Variants in CDH11 observed in about 807,000 individuals in gnomAD.
CDH11 encodes the protein cadherin-11.
Under a neutral mutation model 67.8 loss-of-function variants are expected in CDH11, and 11 were observed. The ratio of observed to expected loss-of-function variants is 0.16; its 90% CI spans 0.10 to 0.27. CDH11 has a LOEUF of 0.27. Ranked by LOEUF, CDH11 falls within the 10% of genes least tolerant of loss-of-function variation. The pLI is 1.00. For missense variants in CDH11, 847 were observed against 1,031.2 expected (o/e 0.82, Z 2.45); for synonymous variants, 419 against 400.0 (o/e 1.05, Z -0.57).
In CDH11 at chr16:64,998,550, C is replaced by T; in HGVS notation, c.523+12G>A. The T allele has an allele frequency of 6.2e-7, 1 of 1,612,306 alleles. No homozygotes were observed. Among genetic ancestry groups the T allele is most frequent in the Non-Finnish European group, 8.5e-7 (1 of 1,178,474 alleles). ...GCCTGGAAGCAGAGCAGGCCTCCCA[C>T]ACCGTACGCACCCACATTGGACCTC... On this transcript the variant is annotated intron_variant, in intron 4 of 12. Transcript: ENST00000268603.
chr16:65,100,986 A>T (rs2074981891), intron 1 of CDH11, among the ~76,000 whole-genome samples: 1 of 152,172 alleles, frequency 6.6e-6, no homozygotes, highest in Non-Finnish European at 1.5e-5. Context: ...TAAGATAGAC[A>T]TTTAATTGCT....
At chr16:65,109,490 C>A (rs2075121250) in intron 1 of CDH11, among the ~76,000 whole-genome samples, 1 of 152,118 alleles carries the variant, frequency 6.6e-6, no homozygotes, top group African/African-American at 2.4e-5. Flanking sequence ...CACTGTTTAC[C>A]CAATAATTGG....
intron 8 of CDH11, among the ~76,000 whole-genome samples, chr16:64,979,742 A>ATTGCTGGATT (rs2072280851): frequency 6.6e-5 from 10 of 152,190 alleles, no homozygotes; most frequent in African/African-American, 2.4e-4. Flanking sequence ...GAAAGAGGAA[A>ATTGCTGGATT]ACATGTTTAG....
Position 65,112,218 on chromosome 16 carries a change from A to C in CDH11, c.-298+9662T>G, listed in dbSNP as rs917835982. 2.6e-5 allele frequency among the ~76,000 whole-genome samples: 4 copies of C among 152,302 alleles called. No individual in the cohort carries two copies. In the East Asian group the frequency reaches 5.8e-4, roughly 22 times the overall value. ...AGCATTTCCAACAGTGAAGGTTCCC[A>C]ATGTCTCAATGGTTTGCATAAGTAG... On this transcript the variant is annotated intron_variant, in intron 1 of 12. Transcript: ENST00000268603.
At chr16:65,063,039 G>A (rs561318367) in intron 1 of CDH11, among the ~76,000 whole-genome samples, 1 of 152,288 alleles carries the variant, frequency 6.6e-6, no homozygotes, top group South Asian at 2.1e-4. Context: ...CGCGTTTGCT[G>A]GACTTTATTG....
At chr16:65,104,888 T>C (rs994270229) in intron 1 of CDH11, among the ~76,000 whole-genome samples, 2 of 152,214 alleles carry the variant, frequency 1.3e-5, no homozygotes, top group African/African-American at 2.4e-5. Flanking sequence ...GCAAATTCTG[T>C]TGTCTTGGTA....
chr16:65,030,925 T>C (rs2073629859), intron 2 of CDH11, among the ~76,000 whole-genome samples: 3 of 152,168 alleles, frequency 2.0e-5, no homozygotes. Flanking sequence ...GGATCTTTCA[T>C]TCCCCCAGGA....
chr16:65,098,625 C>T (rs1382076282), intron 1 of CDH11, among the ~76,000 whole-genome samples: 1 of 152,082 alleles, frequency 6.6e-6, no homozygotes, highest in Non-Finnish European at 1.5e-5. Flanking sequence ...CTTGGCCTCA[C>T]AAGTTGGCTG....
chr16:65,031,185 CA>C (rs2073636490), intron 2 of CDH11, among the ~76,000 whole-genome samples: 1 of 152,176 alleles, frequency 6.6e-6, no homozygotes, highest in Non-Finnish European at 1.5e-5. Flanking sequence ...GCAGCACTCA[CA>C]GATAATTGTT....
At chr16:65,071,009 T>C (rs1430022787) in intron 1 of CDH11, among the ~76,000 whole-genome samples, 2 of 152,142 alleles carry the variant, frequency 1.3e-5, no homozygotes, top group Non-Finnish European at 2.9e-5. Flanking sequence ...CAGGGACCAA[T>C]CAGAGGTATG....
At chr16:65,094,469 T>C (rs1274930016) in intron 1 of CDH11, 1 of 152,004 alleles carries the variant, frequency 6.6e-6, no homozygotes, top group African/African-American at 2.4e-5. Flanking sequence ...AGTAGATATG[T>C]ATTTATATAT....
chr16:64,963,491 T>C (rs1331359137), intron 11 of CDH11, among the ~76,000 whole-genome samples: 3 of 152,102 alleles, frequency 2.0e-5, no homozygotes, highest in African/African-American at 7.2e-5. Context: ...TATGTGATGA[T>C]AATACCAGAA....
intron 4 of CDH11, among the ~76,000 whole-genome samples, chr16:64,993,901 C>A (rs1196833074): frequency 6.6e-6 from 1 of 152,160 alleles, no homozygotes; most frequent in African/African-American, 2.4e-5. Flanking sequence ...ATTTTGCCAG[C>A]ATTCCTCTGC....
At position 65,101,235 on chromosome 16, in the gene CDH11, G is replaced by A. The variant is rs1385382819; in HGVS notation, c.-298+20645C>T. On this transcript the variant is annotated intron_variant, in intron 1 of 12. Transcript: ENST00000268603. ...CACTCTCCTAATCCATCATTGCTGA[G>A]ACAAACCTTCCTTGCCAAGAAGACA... 3.3e-5 allele frequency among the ~76,000 whole-genome samples: 5 copies of A among 152,240 alleles called. No individual in the cohort carries two copies. The East Asian group carries it at 5.8e-4, about 18-fold the overall frequency.
intron 6 of CDH11, among the ~76,000 whole-genome samples, chr16:64,990,064 A>C (rs1405530072): frequency 6.6e-6 from 1 of 152,180 alleles, no homozygotes; most frequent in African/African-American, 2.4e-5. Context: ...TTTAAAAAAA[A>C]ATGTCCTATG....
At chr16:65,023,806 T>A (rs2073478569) in intron 2 of CDH11, among the ~76,000 whole-genome samples, 1 of 152,210 alleles carries the variant, frequency 6.6e-6, no homozygotes. Flanking sequence ...GCAGTGAGGA[T>A]GACCAGAGTT....
chr16:65,083,479 G>A (rs556635374), intron 1 of CDH11, among the ~76,000 whole-genome samples: 1 of 152,358 alleles, frequency 6.6e-6, no homozygotes, highest in African/African-American at 2.4e-5. Flanking sequence ...CTTCAAAGCT[G>A]AGAAGGGTGT....
rs200854857 is a variant in CDH11 at position 65,059,956 on chromosome 16, A to G, written c.-297-6028T>C. Among the ~76,000 whole-genome samples the G allele has an allele frequency of 5.9e-5, 9 of 152,280 alleles. No homozygotes were observed. The East Asian group carries it at 1.7e-3, about 29-fold the overall frequency. ...ACATTTTATCTGTATTTCTTGCCCA[A>G]ATTATGTAGCTTCACTTTCTCCTTT... On this transcript the variant is annotated intron_variant, in intron 1 of 12. Coordinates refer to ENST00000268603, the MANE Select transcript of CDH11 (RefSeq NM_001797.4).
chr16:65,035,469 G>T (rs2073735165), intron 2 of CDH11, among the ~76,000 whole-genome samples: 1 of 152,192 alleles, frequency 6.6e-6, no homozygotes, highest in Non-Finnish European at 1.5e-5. Context: ...CAGTGCCCCT[G>T]CTAGAAAGTC....
Sources: gnomAD v4.1 joint callset for allele counts (sites outside exome capture counted in the v4.1 genomes callset) on GRCh38, gnomAD v4.1.1 for gene constraint, MANE v1.5 for transcripts, NCBI Gene and HGNC (gene_info 2026-07-23, HGNC 2026-07-21) for gene names.